PCM1: variants seen among roughly 807,000 people sequenced by gnomAD.
PCM1 encodes the protein pericentriolar material 1, also known as pericentriolar material 1 protein.
Under a neutral mutation model 241.9 loss-of-function variants are expected in PCM1, and 157 were observed. The observed-to-expected ratio is 0.65, with a 90% CI of 0.57 to 0.74. The LOEUF (loss-of-function observed/expected upper bound fraction) is 0.74. Ranked by LOEUF, PCM1 falls within the 30% of genes least tolerant of loss-of-function variation. PCM1 has a pLI of 0.00. For synonymous variants in PCM1, 1,085 were observed against 784.9 expected, an observed-to-expected ratio of 1.38 and a Z score of -6.39; for missense variants, 3,478 against 2,360.1, an observed-to-expected ratio of 1.47 and a Z score of -9.81.
intron 31 of PCM1, 139 bp from the exon 32 acceptor site, chr8:18,010,470 C>T: frequency 1.7e-6 from 1 of 596,088 alleles, no homozygotes; most frequent in Non-Finnish European, 2.9e-6. Flanking sequence ...CAGCATGATA[C>T]TATAATAAAT....
intron 36 of PCM1, among the ~76,000 whole-genome samples, chr8:18,019,988 T>C (rs1273607037): frequency 4.6e-5 from 7 of 152,216 alleles, no homozygotes; most frequent in African/African-American, 1.4e-4. Context: ...ACTGCAGATC[T>C]TGAGTCCCAC....
rs770697015 is a variant in PCM1, at chr8:17,961,334, G to A, written c.2323-700G>A. 1.4e-3 allele frequency among the ~76,000 whole-genome samples: 133 copies of A among 95,814 alleles called. 1 individual carries two copies. The highest frequency in any genetic ancestry group is 1.4e-3 in the Non-Finnish European group (79 of 55,028). 62.9% of individuals were successfully genotyped at this position (95,814 alleles called of 152,430 possible). A position where few individuals can be genotyped will look rare whatever the true frequency, so the allele number is the denominator to read the frequency against. On this transcript the variant is annotated intron_variant, in intron 15 of 38. Coordinates refer to ENST00000325083, the MANE Select transcript of PCM1 (RefSeq NM_006197.4). ...TTTTTTTTTTTTTTTTTTTTGAGAC[G>A]GAGTCTCGCTCTGTGGCCCAGGTGG...
intron 27 of PCM1, among the ~76,000 whole-genome samples, chr8:17,990,525 A>G (rs1396442987): frequency 1.3e-5 from 2 of 151,416 alleles, no homozygotes; most frequent in Admixed American, 6.6e-5. Context: ...CTGTAAAACA[A>G]AAGAGGTTTA....
intron 29 of PCM1, among the ~76,000 whole-genome samples, chr8:17,994,863 C>A (rs2086082062): frequency 6.6e-6 from 1 of 151,418 alleles, no homozygotes; most frequent in South Asian, 2.1e-4. Flanking sequence ...ATCTTCTGCA[C>A]ATTTTAAAAT....
intron 9 of PCM1, 78 bp from the exon 10 acceptor site, chr8:17,955,392 A>G (rs1264000908): frequency 1.2e-5 from 12 of 978,968 alleles, no homozygotes; most frequent in Admixed American, 9.9e-5. Flanking sequence ...TTAGTTTTCA[A>G]TATCCAAGCC....
intron 6 of PCM1, 40 bp downstream of exon 6, chr8:17,939,901 G>A: frequency 8.2e-7 from 1 of 1,226,604 alleles, no homozygotes; most frequent in Non-Finnish European, 1.1e-6. Context: ...TATTTTTGTA[G>A]TATCTCAGTG....
intron 36 of PCM1, among the ~76,000 whole-genome samples, chr8:18,021,489 AC>A (rs1301016188): frequency 1.3e-5 from 2 of 152,154 alleles, no homozygotes; most frequent in East Asian, 1.9e-4. Flanking sequence ...ATTGGGACTT[AC>A]CCTTATAGAA....
At chr8:17,948,294 C>CTTTTTTTT (rs550672840) in intron 7 of PCM1, among the ~76,000 whole-genome samples, 2 of 63,950 alleles carry the variant, frequency 3.1e-5, no homozygotes, top group African/African-American at 6.3e-5. Flanking sequence ...CAAATAACCT[C>CTTTTTTTT]TTTTTTTTTT....
At chr8:18,013,174 A>C (rs1448752174) in intron 34 of PCM1, among the ~76,000 whole-genome samples, 1 of 152,088 alleles carries the variant, frequency 6.6e-6, no homozygotes, top group East Asian at 1.9e-4. Flanking sequence ...GGAGTGTATG[A>C]GCTTGGCTGC....
intron 22 of PCM1, 39 bp from the exon 23 acceptor site, chr8:17,972,290 A>T: frequency 5.8e-6 from 7 of 1,200,452 alleles, no homozygotes; most frequent in Non-Finnish European, 8.0e-6. Flanking sequence ...TTTGTAAACT[A>T]TAGTTGTTAA....
At chr8:17,936,469 A>G (rs1683233393) in intron 3 of PCM1, among the ~76,000 whole-genome samples, 2 of 152,220 alleles carry the variant, frequency 1.3e-5, no homozygotes, top group South Asian at 4.1e-4. Context: ...TTAACTAAGT[A>G]AATAAAAATG....
intron 21 of PCM1, among the ~76,000 whole-genome samples, chr8:17,968,790 G>T (rs2075904022): frequency 6.8e-6 from 1 of 146,696 alleles, no homozygotes. Context: ...ACACCACAGT[G>T]TTTTTTCTTT....
intron 26 of PCM1, among the ~76,000 whole-genome samples, chr8:17,989,321 T>C (rs1020418082): frequency 4.6e-5 from 7 of 151,920 alleles, no homozygotes; most frequent in African/African-American, 1.7e-4. Flanking sequence ...CCTGGGCCAG[T>C]GGAAATGGTC....
intron 26 of PCM1, among the ~76,000 whole-genome samples, chr8:17,986,499 A>G (rs914767130): frequency 1.5e-4 from 22 of 150,774 alleles, no homozygotes; most frequent in Admixed American, 6.6e-5. Context: ...AAAAAAGCCT[A>G]GACAAAAGTC....
At chr8:17,940,157 C>T (rs967180455) in intron 6 of PCM1, 16 of 1,480,170 alleles carry the variant, frequency 1.1e-5, no homozygotes, top group African/African-American at 1.4e-5. Flanking sequence ...TCAGATACCA[C>T]GGTAAGCGGC....
chr8:18,007,569 GC>G (rs1335844051), intron 30 of PCM1, among the ~76,000 whole-genome samples: 1 of 152,140 alleles, frequency 6.6e-6, no homozygotes, highest in East Asian at 1.9e-4. Flanking sequence ...AGATCCCAAA[GC>G]ATTAATTTCT....
At chr8:18,009,455 A>G (rs991243090) in intron 30 of PCM1, 92 bp from the exon 31 acceptor site, 8 of 768,270 alleles carry the variant, frequency 1.0e-5, no homozygotes, top group Admixed American at 2.5e-5. Flanking sequence ...AATCATAAAC[A>G]TTAGTTTTAA....
intron 31 of PCM1, 70 bp downstream of exon 31, chr8:18,009,814 C>G: frequency 1.0e-6 from 1 of 981,212 alleles, no homozygotes; most frequent in Non-Finnish European, 1.4e-6. Flanking sequence ...TTATTATTAA[C>G]TGAAATCACA....
chr8:17,998,597 GTGC>G (rs936773843), intron 29 of PCM1, among the ~76,000 whole-genome samples: 2 of 152,180 alleles, frequency 1.3e-5, no homozygotes, highest in African/African-American at 4.8e-5. Flanking sequence ...CACTGTGACT[GTGC>G]TGGGTCATAC....
Sources: gnomAD v4.1 joint callset for allele counts (sites outside exome capture counted in the v4.1 genomes callset) on GRCh38, gnomAD v4.1.1 for gene constraint, MANE v1.5 for transcripts, NCBI Gene and HGNC (gene_info 2026-07-23, HGNC 2026-07-21) for gene names.